Variants in IL1R1 observed in about 807,000 individuals in gnomAD.
IL1R1 encodes the protein interleukin-1 receptor type 1.
IL1R1 carries 22 observed loss-of-function variants against 50.2 expected under a neutral mutation model. That is an observed-to-expected ratio of 0.44 (90% CI 0.31 to 0.63). The LOEUF (loss-of-function observed/expected upper bound fraction) is 0.63, where lower values mean the gene tolerates loss of function less well. Ranked by LOEUF, IL1R1 falls within the 20% of genes least tolerant of loss-of-function variation. The pLI is 0.07. For missense variants in IL1R1, 509 were observed against 676.2 expected (o/e 0.75, Z 2.74); for synonymous variants, 251 against 236.7 (o/e 1.06, Z -0.55).
chr2:102,094,812 G>A (rs1679828443), intron 1 of IL1R1, among the ~76,000 whole-genome samples: 1 of 149,106 alleles, frequency 6.7e-6, no homozygotes, highest in African/African-American at 2.5e-5. Context: ...ATTGGAACAG[G>A]TTGCATATAT....
Position 102,174,662 on chromosome 2 carries a change from A to G in IL1R1, c.1067A>G (p.Tyr356Cys). 1 of 1,612,280 alleles carries G rather than the reference A, an allele frequency of 6.2e-7. No individual in the cohort carries two copies. Among genetic ancestry groups the G allele is most frequent in the Non-Finnish European group, 8.5e-7 (1 of 1,179,064 alleles). The change falls in exon 10 of 12, where the codon TAT becomes TGT. Residue 356 changes from tyrosine (Y) to cysteine (C), a missense_variant. Coordinates refer to ENST00000410023, the MANE Select transcript of IL1R1 (RefSeq NM_000877.4). The part of the protein sequence containing the change: ...TVIIVCSVFI[Y>C]KIFKIDIVLW... ...ATAATTGTGTGTTCTGTTTTCATCT[A>G]TAAAATCTTCAAGATTGACATTGTG...
At chr2:102,078,863 T>C (rs972897384) in intron 1 of IL1R1, among the ~76,000 whole-genome samples, 6 of 152,116 alleles carry the variant, frequency 3.9e-5, no homozygotes, top group Non-Finnish European at 7.4e-5. Context: ...GGACATGAAA[T>C]AGAGCAGCTA....
At chr2:102,120,562 T>C (rs1406614673) in intron 1 of IL1R1, among the ~76,000 whole-genome samples, 1 of 152,206 alleles carries the variant, frequency 6.6e-6, no homozygotes, top group African/African-American at 2.4e-5. Flanking sequence ...GTTGTGTTCA[T>C]TTTTCTGTCC....
intron 1 of IL1R1, among the ~76,000 whole-genome samples, chr2:102,123,217 T>C (rs1681494463): frequency 6.6e-6 from 1 of 152,244 alleles, no homozygotes; most frequent in African/African-American, 2.4e-5. Context: ...CAGAGACATT[T>C]GACTGCACAT....
chr2:102,110,075 T>C lies in IL1R1; in HGVS notation c.-84+5203T>C, dbSNP rs567470305. On this transcript the variant is annotated intron_variant, in intron 1 of 10. Transcript: ENST00000409329. Reference sequence around the variant, plus strand: ...TGGAGTGGTAACACAATTTAAAAGGTGAAAGTCTTTTTCTCTTCCCTTTCT... The same window carrying C: ...TGGAGTGGTAACACAATTTAAAAGGCGAAAGTCTTTTTCTCTTCCCTTTCT... 5.0e-3 allele frequency among the ~76,000 whole-genome samples: 761 copies of C among 152,328 alleles called. 8 individuals carry two copies. Among genetic ancestry groups the C allele is most frequent in the Non-Finnish European group, 8.3e-3 (564 of 68,026 alleles).
At position 102,174,675 on chromosome 2, in the gene IL1R1, G is replaced by T; in HGVS notation, c.1080G>T (p.Lys360Asn). Reference protein sequence around the residue: ...VCSVFIYKIFKIDIVLWYRDS... With the variant: ...VCSVFIYKIFNIDIVLWYRDS... ...CTGTTTTCATCTATAAAATCTTCAA[G>T]ATTGACATTGTGCTTTGGTACAGGG... Residue 360 changes from lysine to asparagine, a missense_variant, in exon 10 of 12, where the codon AAG (lysine) becomes AAT (asparagine). Transcript: ENST00000410023. The T allele has an allele frequency of 6.2e-7, 1 of 1,612,338 alleles. No homozygotes were observed.
chr2:102,095,647 G>A (rs527870488), intron 1 of IL1R1, among the ~76,000 whole-genome samples: 3 of 152,206 alleles, frequency 2.0e-5, no homozygotes, highest in Non-Finnish European at 2.9e-5. Context: ...TCTTCTGAAC[G>A]TCAGTGTTTC....
At chr2:102,101,591 C>A (rs1469972880), upstream of IL1R1, among the ~76,000 whole-genome samples, 1 of 152,188 alleles carries the variant, frequency 6.6e-6, no homozygotes. Flanking sequence ...ATAAGAAACA[C>A]ATGGATTACA....
intron 1 of IL1R1, among the ~76,000 whole-genome samples, chr2:102,071,220 A>C (rs1329808591): frequency 6.6e-6 from 1 of 152,188 alleles, no homozygotes; most frequent in East Asian, 1.9e-4. Context: ...AAGTATGTAA[A>C]GGAAGAAATA....
intron 1 of IL1R1, among the ~76,000 whole-genome samples, chr2:102,131,607 G>A (rs1682033426): frequency 6.6e-6 from 1 of 150,574 alleles, no homozygotes; most frequent in Non-Finnish European, 1.5e-5. Context: ...TATTGCAGAA[G>A]AATAGATCAG....
chr2:102,151,946 C>A (rs144313950), intron 1 of IL1R1, among the ~76,000 whole-genome samples: 2 of 152,060 alleles, frequency 1.3e-5, no homozygotes, highest in Non-Finnish European at 2.9e-5. Flanking sequence ...GAGTAGGGGG[C>A]GCTGACCCTC....
At chr2:102,093,065 T>C (rs1304834082) in intron 1 of IL1R1, among the ~76,000 whole-genome samples, 1 of 152,204 alleles carries the variant, frequency 6.6e-6, no homozygotes, top group African/African-American at 2.4e-5. Flanking sequence ...GTTTCCACTT[T>C]TGTTCATTAA....
At chr2:102,114,022 A>G (rs1431008263) in intron 1 of IL1R1, among the ~76,000 whole-genome samples, 2 of 152,208 alleles carry the variant, frequency 1.3e-5, no homozygotes, top group African/African-American at 4.8e-5. Flanking sequence ...TAGTTTATGG[A>G]AGAGCTCTTT....
chr2:102,167,605 G>A (rs1170681308), intron 6 of IL1R1, among the ~76,000 whole-genome samples: 2 of 151,740 alleles, frequency 1.3e-5, no homozygotes, highest in Non-Finnish European at 1.5e-5. Flanking sequence ...CCGCCACCAC[G>A]CCCGGCTAAT....
intron 1 of IL1R1, among the ~76,000 whole-genome samples, chr2:102,097,389 G>A (rs1016123773): frequency 1.3e-5 from 2 of 152,034 alleles, no homozygotes; most frequent in Non-Finnish European, 2.9e-5. Flanking sequence ...TCTAAGTGTG[G>A]ACCTCTTTCT....
chr2:102,117,053 A>G (rs554111840), intron 1 of IL1R1, among the ~76,000 whole-genome samples: 8 of 152,348 alleles, frequency 5.3e-5, no homozygotes, highest in Admixed American at 4.6e-4. Flanking sequence ...AAGTAAGAAA[A>G]TAAAATATTG....
At chr2:102,103,044 A>T (rs1680212340), upstream of IL1R1, among the ~76,000 whole-genome samples, 1 of 152,226 alleles carries the variant, frequency 6.6e-6, no homozygotes, top group Admixed American at 6.5e-5. Flanking sequence ...CCTATAGGGT[A>T]CCATACTTAT....
chr2:102,120,245 G>A (rs1411791868), intron 1 of IL1R1, among the ~76,000 whole-genome samples: 5 of 152,126 alleles, frequency 3.3e-5, no homozygotes, highest in Non-Finnish European at 7.4e-5. Context: ...TTTCATGAAC[G>A]TGTGTGTGGG....
chr2:102,150,186 C>T (rs564828115), intron 1 of IL1R1, among the ~76,000 whole-genome samples: 1 of 152,332 alleles, frequency 6.6e-6, no homozygotes, highest in Non-Finnish European at 1.5e-5. Context: ...GGCTACACAG[C>T]AGGAAAAATG....
Sources: allele counts gnomAD v4.1 joint callset (sites outside exome capture counted in the v4.1 genomes callset), GRCh38; gene constraint gnomAD v4.1.1; transcripts MANE v1.5; gene names NCBI Gene and HGNC (gene_info 2026-07-23, HGNC 2026-07-21).